NEK10: variants seen among roughly 807,000 people sequenced by gnomAD.
NEK10 encodes the protein NIMA related kinase 10, also known as serine/threonine-protein kinase Nek10.
A neutral mutation model predicts 159.8 loss-of-function variants in NEK10; 122 were observed. The observed-to-expected ratio is 0.76, with a 90% CI of 0.66 to 0.89. The LOEUF is 0.89. NEK10 is among the 40% of genes least tolerant of loss of function. NEK10 has a pLI of 0.00. For missense variants in NEK10, 1,342 were observed against 1,323.1 expected, an observed-to-expected ratio of 1.01 and a Z score of -0.22; for synonymous variants, 466 against 457.1, an observed-to-expected ratio of 1.02 and a Z score of -0.25.
At chr3:27,329,558 G>A (rs1366401959) in intron 5 of NEK10, among the ~76,000 whole-genome samples, 2 of 152,120 alleles carry the variant, frequency 1.3e-5, no homozygotes, top group Admixed American at 1.3e-4. Context: ...TGGTTCTGGT[G>A]GTTACCTGTA....
At chr3:27,237,762 A>G (rs1954101572) in intron 23 of NEK10, among the ~76,000 whole-genome samples, 1 of 152,142 alleles carries the variant, frequency 6.6e-6, no homozygotes, top group Non-Finnish European at 1.5e-5. Flanking sequence ...TCACCACTTA[A>G]GAACCTATCC....
chr3:27,303,358 T>G (rs1293088013), intron 12 of NEK10, among the ~76,000 whole-genome samples: 1 of 152,184 alleles, frequency 6.6e-6, no homozygotes, highest in Non-Finnish European at 1.5e-5. Context: ...TTTCATTTTA[T>G]CCTTATGAAA....
intron 15 of NEK10, 78 bp from the exon 16 acceptor site, chr3:27,293,730 A>G: frequency 1.3e-6 from 1 of 780,100 alleles, no homozygotes; most frequent in Non-Finnish European, 2.1e-6. Context: ...ATTAACAGGA[A>G]GTAAACATTA....
intron 28 of NEK10, among the ~76,000 whole-genome samples, chr3:27,172,530 T>C (rs1044353705): frequency 6.6e-6 from 1 of 151,910 alleles, no homozygotes; most frequent in East Asian, 1.9e-4. Flanking sequence ...CACCAGGATA[T>C]GAAATCAGAC....
At chr3:27,355,396 A>G (rs2048263269) in intron 1 of NEK10, among the ~76,000 whole-genome samples, 1 of 152,078 alleles carries the variant, frequency 6.6e-6, no homozygotes, top group Admixed American at 6.6e-5. Flanking sequence ...TGAGCATCCC[A>G]AATTTAACAT....
At chr3:27,330,357 A>G (rs2046311836) in intron 5 of NEK10, among the ~76,000 whole-genome samples, 1 of 152,224 alleles carries the variant, frequency 6.6e-6, no homozygotes, top group Non-Finnish European at 1.5e-5. Context: ...AGCTTTGAGT[A>G]AAAGAGAGAA....
chr3:27,277,922 C>T (rs186020245), intron 22 of NEK10, among the ~76,000 whole-genome samples: 1 of 152,184 alleles, frequency 6.6e-6, no homozygotes, highest in East Asian at 1.9e-4. Context: ...ACAGAGGAAG[C>T]TCCCTTATTG....
chr3:27,204,301 G>GTTTTTTTTTTTTTTTT (rs567092116), intron 23 of NEK10, among the ~76,000 whole-genome samples: 9 of 66,378 alleles, frequency 1.4e-4, no homozygotes, highest in East Asian at 4.4e-4. Flanking sequence ...TTTTGTTGTT[G>GTTTTTTTTTTTTTTTT]TTTTTTTTTT....
rs1939131736 is a variant in NEK10 at position 27,107,674 on chromosome 3, G to A, written c.*3598C>T. ...AGCATTAAGCTTCCCTTACGTTGGA[G>A]CCCTTCATAGCTGTAACTCCAGGGT... On this transcript the variant is annotated 3_prime_UTR_variant, in exon 36 of 36. Coordinates refer to ENST00000691995, the MANE Select transcript of NEK10 (RefSeq NM_001394966.1). Among the ~76,000 whole-genome samples the A allele has an allele frequency of 6.6e-6, 1 of 152,178 alleles. No homozygotes were observed. The highest frequency in any genetic ancestry group is 6.5e-5 in the Admixed American group (1 of 15,282).
chr3:27,234,478 C>T (rs1186725752), intron 23 of NEK10, among the ~76,000 whole-genome samples: 1 of 151,928 alleles, frequency 6.6e-6, no homozygotes, highest in Non-Finnish European at 1.5e-5. Context: ...AACAATCAGG[C>T]CAATATCCAA....
In NEK10 at chr3:27,308,917, A is replaced by C. The variant is rs2044456603; in HGVS notation, c.716+9T>G. 1 of 1,471,216 alleles carries C rather than the reference A, an allele frequency of 6.8e-7. No homozygotes were observed. The highest frequency in any genetic ancestry group is 9.5e-7 in the Non-Finnish European group (1 of 1,054,530). The allele number at this position is 1,471,216 out of a possible 1,614,324, so 91.1% of individuals were successfully genotyped here. A position where few individuals can be genotyped will look rare whatever the true frequency, so the allele number is the denominator to read the frequency against. ...AGAACTGGAAAGTATATTAGAATAC[A>C]CTACTTACCTTTCTGCTAAACTAGC... On this transcript the variant is annotated intron_variant, in intron 10 of 35. Coordinates refer to ENST00000691995, the MANE Select transcript of NEK10 (RefSeq NM_001394966.1).
At position 27,154,277 on chromosome 3, in the gene NEK10, A is replaced by G. The variant is rs148909348; in HGVS notation, c.2869+8424T>C. ...AGAATTAGTTACCCTGAACAGACCT[A>G]TAACAAGCAGTGAGACTGAAATGGT... On this transcript the variant is annotated intron_variant, in intron 30 of 35. Coordinates refer to ENST00000691995, the MANE Select transcript of NEK10 (RefSeq NM_001394966.1). 3.7e-3 allele frequency among the ~76,000 whole-genome samples: 560 copies of G among 152,318 alleles called. 6 individuals carry two copies. The highest frequency in any genetic ancestry group is 0.012 in the African/African-American group (491 of 41,576).
Position 27,189,686 on chromosome 3 carries a change from T to TAC in NEK10, c.2505+2341_2505+2342dup, listed in dbSNP as rs1948947657. Among the ~76,000 whole-genome samples, 4 of 152,184 alleles carry TAC rather than the reference T, an allele frequency of 2.6e-5. No homozygotes were observed. The South Asian group carries it at 8.3e-4, about 31-fold the overall frequency. On this transcript the variant is annotated intron_variant, in intron 26 of 35. Transcript: ENST00000691995. ...CTGAGAAAAATGCCAATTAACTGCATACTGTCTTTTGATGAAATGCAATCT... is the reference window on the plus strand; with the variant it reads ...CTGAGAAAAATGCCAATTAACTGCATACACTGTCTTTTGATGAAATGCAATCT...
chr3:27,351,802 A>C (rs62257161), intron 3 of NEK10, among the ~76,000 whole-genome samples: 34,751 of 151,832 alleles, frequency 0.23, 4,542 homozygotes, highest in Middle Eastern at 0.37. Context: ...GTGCTAAATA[A>C]GTGTCTGCTA....
At chr3:27,126,192 C>G (rs765054442) in intron 32 of NEK10, among the ~76,000 whole-genome samples, 1 of 152,158 alleles carries the variant, frequency 6.6e-6, no homozygotes, top group African/African-American at 2.4e-5. Context: ...GAAGTGCCAG[C>G]TGCTAAATAA....
At chr3:27,271,767 T>C (rs564191757) in intron 22 of NEK10, among the ~76,000 whole-genome samples, 1 of 152,250 alleles carries the variant, frequency 6.6e-6, no homozygotes, top group East Asian at 1.9e-4. Context: ...ATGTTTTATT[T>C]CAGAAATTGT....
In NEK10 at chr3:27,344,303, T is replaced by C. The variant is rs748289677; in HGVS notation, c.331A>G (p.Thr111Ala). 19 of 1,597,090 alleles carry C rather than the reference T, an allele frequency of 1.2e-5. No individual in the cohort carries two copies. Among genetic ancestry groups the C allele is most frequent in the Non-Finnish European group, 1.6e-5 (19 of 1,168,300 alleles). ...ATGAGTCTATTTTTCACCAAGGCGG[T>C]AAAGATCTCCTGAAATAGTTTACGC... The part of the protein sequence containing the change: ...PQRKLFQEIF[T>A]ALVKNRLISR... Residue 111 changes from threonine to alanine, a missense_variant, in exon 5 of 36, where the codon ACC becomes GCC. Transcript: ENST00000691995.
intron 8 of NEK10, chr3:27,311,282 G>C (rs1051431070): frequency 1.4e-5 from 4 of 287,638 alleles, no homozygotes; most frequent in Non-Finnish European, 2.6e-5. Context: ...TCCACTTGAA[G>C]TTCCTTAACA....
chr3:27,256,337 GTTTTC>G lies in NEK10; in HGVS notation c.2044_2048del (p.Glu682GlnfsTer2). On this transcript the variant is annotated frameshift_variant, in exon 23 of 36. Coordinates refer to ENST00000691995, the MANE Select transcript of NEK10 (RefSeq NM_001394966.1). LOFTEE classifies it high-confidence loss of function. Reference sequence around the variant, plus strand: ...TTCCAACCACAGAGGTGAGTTTACTGTTTTCTTGTTTTTGCTTTGCCAGGCCAAAG... The same window carrying G: ...TTCCAACCACAGAGGTGAGTTTACTGTTGTTTTTGCTTTGCCAGGCCAAAG... 6.4e-7 allele frequency: 1 copy of G among 1,573,052 alleles called. No individual in the cohort carries two copies. Among genetic ancestry groups the G allele is most frequent in the Non-Finnish European group, 8.6e-7 (1 of 1,162,948 alleles).
Sources: allele counts gnomAD v4.1 joint callset (sites outside exome capture counted in the v4.1 genomes callset), GRCh38; gene constraint gnomAD v4.1.1; transcripts MANE v1.5; gene names NCBI Gene and HGNC (gene_info 2026-07-23, HGNC 2026-07-21).